The following TMEM71 variants were observed in gnomAD, a reference collection of about 807,000 sequenced individuals.
TMEM71 encodes transmembrane protein 71.
TMEM71 carries 44 observed loss-of-function variants against 38.0 expected under a neutral mutation model. The observed-to-expected ratio is 1.16, with a 90% CI of 0.91 to 1.49. The LOEUF is 1.49. Ranked by LOEUF, TMEM71 falls within the 40% of genes most tolerant of loss-of-function variation. The pLI, the probability that TMEM71 is intolerant of heterozygous loss-of-function variation, is 0.00. For synonymous variants in TMEM71, 133 were observed against 122.5 expected (o/e 1.09, Z -0.56); for missense variants, 367 against 348.6 (o/e 1.05, Z -0.42).
intron 6 of TMEM71, among the ~76,000 whole-genome samples, chr8:132,726,947 C>A (rs1307507150): frequency 6.6e-6 from 1 of 151,778 alleles, no homozygotes; most frequent in East Asian, 1.9e-4. Flanking sequence ...CCTCCACCTC[C>A]CAGGTTCAAG....
chr8:132,720,790 G>A (rs185292248), intron 7 of TMEM71, among the ~76,000 whole-genome samples: 35 of 152,300 alleles, frequency 2.3e-4, no homozygotes, highest in Non-Finnish European at 4.0e-4. Flanking sequence ...CAGAGTTCAA[G>A]AACCATAAAG....
chr8:132,760,240 T>G (rs1829255157), intron 1 of TMEM71: 1 of 152,030 alleles, frequency 6.6e-6, no homozygotes, highest in Non-Finnish European at 1.5e-5. Context: ...AAACAGAATC[T>G]GCCAGTTCCA....
chr8:132,746,830 T>C (rs937375365), intron 5 of TMEM71, 112 bp downstream of exon 5: 1 of 822,646 alleles, frequency 1.2e-6, no homozygotes, highest in Non-Finnish European at 1.8e-6. Flanking sequence ...GTGGCCCATC[T>C]CTCCATCAAA....
chr8:132,770,212 A>G, the TMEM71 span, among the ~76,000 whole-genome samples: 41 of 152,350 alleles, frequency 2.7e-4, no homozygotes, highest in African/African-American at 7.2e-4. Context: ...CAAGCTAGGA[A>G]GAGAATTCTC....
intron 7 of TMEM71, among the ~76,000 whole-genome samples, chr8:132,715,531 A>G (rs1367780253): frequency 6.6e-6 from 1 of 152,056 alleles, no homozygotes; most frequent in Non-Finnish European, 1.5e-5. Flanking sequence ...TCACTTGCTT[A>G]CAAATTTAAA....
At chr8:132,723,606 G>A (rs1372087494) in intron 6 of TMEM71, among the ~76,000 whole-genome samples, 2 of 152,000 alleles carry the variant, frequency 1.3e-5, no homozygotes, top group Non-Finnish European at 2.9e-5. Context: ...TTTTCACATG[G>A]AATTAAAAAT....
chr8:132,731,792 A>G (rs1827470108), intron 5 of TMEM71, among the ~76,000 whole-genome samples: 1 of 152,224 alleles, frequency 6.6e-6, no homozygotes, highest in Non-Finnish European at 1.5e-5. Context: ...AAGGGGAACA[A>G]GCAGGGGAAT....
intron 3 of TMEM71, 46 bp from the exon 4 acceptor site, chr8:132,752,043 C>T (rs759006983): frequency 3.3e-6 from 5 of 1,500,422 alleles, no homozygotes; most frequent in Non-Finnish European, 3.7e-6. Context: ...TTCAGTACAT[C>T]CAGTCCCAAA....
upstream of TMEM71, among the ~76,000 whole-genome samples, chr8:132,765,538 T>C (rs1829353540): frequency 6.6e-6 from 1 of 152,150 alleles, no homozygotes; most frequent in African/African-American, 2.4e-5. Flanking sequence ...AGATGGTTCT[T>C]TGTGGATTCC....
At chr8:132,771,756 A>G in the TMEM71 span, among the ~76,000 whole-genome samples, 2 of 152,158 alleles carry the variant, frequency 1.3e-5, no homozygotes, top group Non-Finnish European at 2.9e-5. Context: ...AATCACAGTG[A>G]GGAATACATT....
At chr8:132,753,817 G>C (rs182009852) in intron 3 of TMEM71, among the ~76,000 whole-genome samples, 19 of 152,158 alleles carry the variant, frequency 1.2e-4, no homozygotes, top group African/African-American at 4.6e-4. Flanking sequence ...TGAAATAAAT[G>C]GTCTGTGCTT....
chr8:132,747,443 T>G (rs1388241661), intron 4 of TMEM71, among the ~76,000 whole-genome samples: 1 of 152,250 alleles, frequency 6.6e-6, no homozygotes, highest in Non-Finnish European at 1.5e-5. Context: ...TCACATTATC[T>G]TCAGAACAAC....
At chr8:132,716,060 G>C (rs542010918) in intron 7 of TMEM71, among the ~76,000 whole-genome samples, 23 of 152,154 alleles carry the variant, frequency 1.5e-4, no homozygotes, top group Non-Finnish European at 2.6e-4. Context: ...ACAGGAGGGA[G>C]CCCGGAACTG....
chr8:132,753,046 G>C (rs569101560), intron 3 of TMEM71, among the ~76,000 whole-genome samples: 1 of 152,096 alleles, frequency 6.6e-6, no homozygotes, highest in East Asian at 1.9e-4. Context: ...CTTCAAAACT[G>C]CTTGGTTTTT....
chr8:132,725,362 A>G (rs950244896), intron 6 of TMEM71, among the ~76,000 whole-genome samples: 23 of 152,194 alleles, frequency 1.5e-4, no homozygotes, highest in Non-Finnish European at 4.4e-5. Flanking sequence ...ACAAGGTCTC[A>G]CTATGTCACC....
intron 5 of TMEM71, among the ~76,000 whole-genome samples, chr8:132,742,866 C>T (rs950782370): frequency 6.6e-6 from 1 of 152,198 alleles, no homozygotes; most frequent in African/African-American, 2.4e-5. Flanking sequence ...AATGGACTTA[C>T]AGTTCCACAT....
At chr8:132,765,610 T>A (rs1829354155), upstream of TMEM71, among the ~76,000 whole-genome samples, 1 of 152,128 alleles carries the variant, frequency 6.6e-6, no homozygotes, top group Admixed American at 6.6e-5. Context: ...TGTCTAGTGA[T>A]TTCAGGCTCA....
At chr8:132,740,614 G>A (rs1283007077) in intron 5 of TMEM71, among the ~76,000 whole-genome samples, 1 of 152,180 alleles carries the variant, frequency 6.6e-6, no homozygotes, top group Non-Finnish European at 1.5e-5. Flanking sequence ...AGTGACATAA[G>A]TAAAGCCACA....
At chr8:132,739,130 T>C (rs766557818) in intron 5 of TMEM71, among the ~76,000 whole-genome samples, 7 of 152,230 alleles carry the variant, frequency 4.6e-5, no homozygotes, top group Non-Finnish European at 7.3e-5. Context: ...GTAATTATTA[T>C]ACACTTAAGT....
Sources: allele counts gnomAD v4.1 joint callset (sites outside exome capture counted in the v4.1 genomes callset), GRCh38; gene constraint gnomAD v4.1.1; transcripts MANE v1.5; gene names NCBI Gene and HGNC (gene_info 2026-07-23, HGNC 2026-07-21).